SLC27A2: variants seen among roughly 807,000 people sequenced by gnomAD.
SLC27A2 encodes long-chain fatty acid transport protein 2.
A neutral mutation model predicts 60.0 loss-of-function variants in SLC27A2; 54 were observed. The ratio of observed to expected loss-of-function variants is 0.90; its 90% CI spans 0.72 to 1.13. The LOEUF is 1.13. Ranked by LOEUF, SLC27A2 falls within the 50% of genes most tolerant of loss-of-function variation. The pLI, the probability that SLC27A2 is intolerant of heterozygous loss-of-function variation, is 0.00. For missense variants in SLC27A2, 739 were observed against 777.6 expected (o/e 0.95, Z 0.59); for synonymous variants, 297 against 297.6 (o/e 1.00, Z 0.02).
intron 1 of SLC27A2, among the ~76,000 whole-genome samples, chr15:50,194,634 C>T (rs2140897962): frequency 6.6e-6 from 1 of 152,196 alleles, no homozygotes; most frequent in African/African-American, 2.4e-5. Flanking sequence ...AAGGGCAGGA[C>T]ATTGGTCAGG....
At chr15:50,209,596 G>A (rs2045139062) in intron 4 of SLC27A2, among the ~76,000 whole-genome samples, 1 of 152,286 alleles carries the variant, frequency 6.6e-6, no homozygotes, top group African/African-American at 2.4e-5. Context: ...AGACTCAAAT[G>A]TGAACATGAC....
intron 1 of SLC27A2, among the ~76,000 whole-genome samples, chr15:50,191,847 G>A (rs1020635267): frequency 1.2e-4 from 18 of 152,168 alleles, no homozygotes; most frequent in African/African-American, 3.9e-4. Flanking sequence ...ATCACTTGAG[G>A]TTGGGAGTTC....
rs1648348 is a variant in SLC27A2, at chr15:50,182,569, A to C, written c.142A>C (p.Lys48Gln). The C allele has an allele frequency of 0.67, 1,086,786 of 1,612,116 alleles. 370,735 individuals are homozygous for C. Among genetic ancestry groups the C allele is most frequent in the East Asian group, 0.84 (37,596 of 44,826 alleles). The part of the protein sequence containing the change: ...AVGRRVRSYG[K>Q]RRPARTILRA... ...GGGCCGGAGGGTGCGCAGCTACGGG[A>C]AGCGGCGGCCGGCGCGCACCATCCT... The change falls in exon 1 of 10, where the codon AAG becomes CAG. Residue 48 changes from lysine (K) to glutamine (Q), a missense_variant. Physicochemically the swap from Lys to Gln is moderately conservative, Grantham distance 53 (BLOSUM62 1). Coordinates refer to ENST00000267842, the MANE Select transcript of SLC27A2 (RefSeq NM_003645.4).
At chr15:50,212,174 A>G (rs137911616) in intron 4 of SLC27A2, among the ~76,000 whole-genome samples, 3,027 of 152,098 alleles carry the variant, frequency 0.02, 93 homozygotes, top group African/African-American at 0.07. Flanking sequence ...TCTCAGCAAT[A>G]GAATTGAACA....
At chr15:50,222,928 T>A (rs768389972) in intron 4 of SLC27A2, 37 bp from the exon 5 acceptor site, 1 of 1,496,864 alleles carries the variant, frequency 6.7e-7, no homozygotes, top group Non-Finnish European at 9.1e-7. Context: ...GCTCCAGAGA[T>A]GTTTCAGTTT....
intron 4 of SLC27A2, among the ~76,000 whole-genome samples, chr15:50,216,610 G>GTGTGTGTGTGTGTGTATATATA (rs1323910367): frequency 2.3e-4 from 15 of 66,462 alleles, no homozygotes; most frequent in Non-Finnish European, 3.3e-4. Context: ...GTGTGTGTGT[G>GTGTGTGTGTGTGTGTATATATA]TATATATATA....
intron 1 of SLC27A2, among the ~76,000 whole-genome samples, chr15:50,183,893 C>G (rs1387476558): frequency 6.6e-6 from 1 of 151,646 alleles, no homozygotes; most frequent in African/African-American, 2.4e-5. Flanking sequence ...TAACATATCA[C>G]TATCCCCACC....
intron 1 of SLC27A2, among the ~76,000 whole-genome samples, chr15:50,193,130 C>T (rs1305201520): frequency 6.6e-6 from 1 of 152,166 alleles, no homozygotes; most frequent in Non-Finnish European, 1.5e-5. Flanking sequence ...ATAAGCCGTT[C>T]CACTGCCCAG....
intron 8 of SLC27A2, among the ~76,000 whole-genome samples, chr15:50,230,808 A>G (rs992930880): frequency 2.0e-5 from 3 of 152,236 alleles, no homozygotes; most frequent in Non-Finnish European, 2.9e-5. Context: ...TTGATTTTAA[A>G]AAGAAGAATC....
chr15:50,204,417 A>G (rs2045091436), intron 3 of SLC27A2, among the ~76,000 whole-genome samples: 1 of 151,820 alleles, frequency 6.6e-6, no homozygotes, highest in African/African-American at 2.4e-5. Flanking sequence ...AGATTTCACC[A>G]CTGAACTCCA....
At chr15:50,206,018 G>C (rs1324969093) in intron 4 of SLC27A2, among the ~76,000 whole-genome samples, 1 of 152,174 alleles carries the variant, frequency 6.6e-6, no homozygotes, top group Non-Finnish European at 1.5e-5. Context: ...CAGATGTTCA[G>C]CTCTCGATGG....
intron 4 of SLC27A2, among the ~76,000 whole-genome samples, chr15:50,212,274 A>C (rs2045163936): frequency 6.6e-6 from 1 of 152,272 alleles, no homozygotes; most frequent in African/African-American, 2.4e-5. Context: ...GGAAATATGA[A>C]CAAAGCCTCC....
At chr15:50,186,906 T>C (rs1382498234) in intron 1 of SLC27A2, among the ~76,000 whole-genome samples, 2 of 152,230 alleles carry the variant, frequency 1.3e-5, no homozygotes, top group East Asian at 3.8e-4. Flanking sequence ...GATACATAAA[T>C]GTCAGTTTGA....
chr15:50,212,148 T>C (rs2045162910), intron 4 of SLC27A2, among the ~76,000 whole-genome samples: 1 of 149,058 alleles, frequency 6.7e-6, no homozygotes, highest in South Asian at 2.1e-4. Context: ...TTAGAAATGC[T>C]AAATGCTCTG....
intron 1 of SLC27A2, among the ~76,000 whole-genome samples, chr15:50,189,736 A>G (rs1383875543): frequency 6.6e-6 from 1 of 152,218 alleles, no homozygotes; most frequent in Non-Finnish European, 1.5e-5. Flanking sequence ...AATAGGTGCT[A>G]GTATTTGAAA....
chr15:50,193,179 C>T (rs559651829), intron 1 of SLC27A2, among the ~76,000 whole-genome samples: 24 of 152,338 alleles, frequency 1.6e-4, no homozygotes, highest in African/African-American at 5.3e-4. Context: ...TTCATCTCCA[C>T]CGTCTGCTCA....
chr15:50,185,691 G>A (rs571388205), intron 1 of SLC27A2, among the ~76,000 whole-genome samples: 22 of 144,680 alleles, frequency 1.5e-4, no homozygotes, highest in African/African-American at 3.6e-4. Context: ...CTGCTGTGGC[G>A]TGATCTCGGC....
chr15:50,204,202 T>A (rs1217617506), intron 3 of SLC27A2, among the ~76,000 whole-genome samples: 1 of 152,176 alleles, frequency 6.6e-6, no homozygotes, highest in Non-Finnish European at 1.5e-5. Flanking sequence ...CAGTGGCTTA[T>A]GCCTGTAATC....
At chr15:50,191,198 A>G (rs1456897755) in intron 1 of SLC27A2, 2 of 152,226 alleles carry the variant, frequency 1.3e-5, no homozygotes, top group Non-Finnish European at 2.9e-5. Flanking sequence ...GTAAAACTAT[A>G]CCAACAGTTC....
Sources: gnomAD v4.1 joint callset for allele counts (sites outside exome capture counted in the v4.1 genomes callset) on GRCh38, gnomAD v4.1.1 for gene constraint, MANE v1.5 for transcripts, NCBI Gene and HGNC (gene_info 2026-07-23, HGNC 2026-07-21) for gene names.